GAS7: variants seen among roughly 807,000 people sequenced by gnomAD.
GAS7 encodes the protein growth arrest-specific protein 7.
A neutral mutation model predicts 71.1 loss-of-function variants in GAS7; 28 were observed. The observed-to-expected ratio is 0.39, with a 90% CI of 0.29 to 0.54. The LOEUF (loss-of-function observed/expected upper bound fraction) is 0.54, where lower values mean the gene tolerates loss of function less well. Ranked by LOEUF, GAS7 falls within the 20% of genes least tolerant of loss-of-function variation. The pLI is 0.62. For synonymous variants in GAS7, 258 were observed against 245.8 expected (o/e 1.05, Z -0.46); for missense variants, 436 against 627.8 (o/e 0.69, Z 3.27).
At position 9,926,980 on chromosome 17, in the gene GAS7, CCA is replaced by C; in HGVS notation, c.886-213_886-212del. On this transcript the variant is annotated intron_variant, in intron 9 of 13. Coordinates refer to ENST00000432992, the MANE Select transcript of GAS7 (RefSeq NM_201433.2). This position sits in a 1 kb window ranked among gnomAD's most constrained non-coding sequence, Gnocchi z 5.0. ...CAGGTCACCTTAGCTCAGGAGGCCC[CCA>C]CACACGTCTACAGGATAAGTGGTTA... The C allele has an allele frequency of 1.8e-6, 1 of 562,574 alleles. No homozygotes were observed. Among genetic ancestry groups the C allele is most frequent in the East Asian group, 2.9e-5 (1 of 34,678 alleles). The allele number at this position is 562,574 out of a possible 1,614,324, so 34.8% of individuals were successfully genotyped here.
At chr17:10,124,717 A>AG (rs2073931331) in intron 1 of GAS7, among the ~76,000 whole-genome samples, 1 of 152,182 alleles carries the variant, frequency 6.6e-6, no homozygotes, top group South Asian at 2.1e-4. Context: ...TCGGAGTTGG[A>AG]GACCAGCCTG....
intron 1 of GAS7, among the ~76,000 whole-genome samples, chr17:10,179,047 T>C (rs1267229388): frequency 6.6e-6 from 1 of 151,998 alleles, no homozygotes; most frequent in Non-Finnish European, 1.5e-5. Flanking sequence ...TGAAAACATC[T>C]GGCCAGGCAC....
At chr17:9,946,524 G>A (rs944792565) in intron 6 of GAS7, among the ~76,000 whole-genome samples, 8 of 152,218 alleles carry the variant, frequency 5.3e-5, no homozygotes, top group Non-Finnish European at 1.2e-4. Flanking sequence ...GCCCAAGGAG[G>A]TGAAGCACTT....
intron 2 of GAS7, among the ~76,000 whole-genome samples, chr17:10,002,966 G>A (rs182284805): frequency 1.4e-4 from 22 of 152,304 alleles, no homozygotes; most frequent in Admixed American, 5.9e-4. Flanking sequence ...TCTAGTTCTA[G>A]ATCCTTGAGG....
chr17:9,938,160 T>TA (rs2152087758), intron 8 of GAS7, among the ~76,000 whole-genome samples: 1 of 152,210 alleles, frequency 6.6e-6, no homozygotes, highest in African/African-American at 2.4e-5. Context: ...TAATTAAGGT[T>TA]AAATGAGGTC....
intron 1 of GAS7, among the ~76,000 whole-genome samples, chr17:10,181,157 C>G (rs570667999): frequency 1.4e-5 from 2 of 146,622 alleles, no homozygotes; most frequent in African/African-American, 5.0e-5. Flanking sequence ...GTCAGGAGAT[C>G]GAGACCATCC....
At chr17:9,961,614 G>A (rs184041226) in intron 4 of GAS7, among the ~76,000 whole-genome samples, 3 of 152,316 alleles carry the variant, frequency 2.0e-5, no homozygotes, top group East Asian at 1.9e-4. Context: ...AGGGGGCTAA[G>A]GGGAGAAGCA....
At chr17:10,046,781 A>G (rs1325613870) in intron 1 of GAS7, among the ~76,000 whole-genome samples, 2 of 104,564 alleles carry the variant, frequency 1.9e-5, no homozygotes, top group African/African-American at 1.0e-4. Flanking sequence ...AGAAAGAAAG[A>G]AAGAAAGGAA....
intron 1 of GAS7, among the ~76,000 whole-genome samples, chr17:10,097,864 C>G (rs1388376943): frequency 6.6e-6 from 1 of 151,832 alleles, no homozygotes; most frequent in Non-Finnish European, 1.5e-5. Flanking sequence ...GCCAACATAG[C>G]GAAACCCCGT....
At position 10,019,803 on chromosome 17, in the gene GAS7, C is replaced by T. The variant is rs1347870187; in HGVS notation, c.278G>A (p.Arg93Gln). 1.1e-5 allele frequency: 18 copies of T among 1,613,880 alleles called. No homozygotes were observed. Among genetic ancestry groups the T allele is most frequent in the African/African-American group, 8.0e-5 (6 of 74,900 alleles). Residue 93 changes from arginine to glutamine, a missense_variant, in exon 2 of 14, where the codon CGG becomes CAG. By Grantham distance (43) the Arg-to-Gln change is conservative. Coordinates refer to ENST00000432992, the MANE Select transcript of GAS7 (RefSeq NM_201433.2). Reference protein sequence around the residue: ...WQSYLSPQGRRYYVNTTTNET... With the variant: ...WQSYLSPQGRQYYVNTTTNET... The stretch of plus-strand genomic sequence containing the variant: ...ATTGGTGGTCGTGTTGACATAGTAC[C>T]GCCGGCCCTGAGGCGACAGGTAGCT...
intron 1 of GAS7, chr17:10,059,758 T>A (rs748727115): frequency 1.0e-6 from 1 of 985,062 alleles, no homozygotes; most frequent in Non-Finnish European, 1.2e-6. Flanking sequence ...CATCCCCACA[T>A]CCGCTGCTTC....
chr17:9,979,153 T>C (rs1323748220), intron 3 of GAS7, among the ~76,000 whole-genome samples: 1 of 152,232 alleles, frequency 6.6e-6, no homozygotes, highest in African/African-American at 2.4e-5. Flanking sequence ...CTGAGTTAAA[T>C]AGGTTTCTTC....
In GAS7 at chr17:9,919,548, C is replaced by T. The variant is rs1173988306; in HGVS notation, c.1218+78G>A. On this transcript the variant is annotated intron_variant, in intron 12 of 13. Coordinates refer to ENST00000432992, the MANE Select transcript of GAS7 (RefSeq NM_201433.2). The surrounding 1 kb of genome is among the most constrained non-coding windows in gnomAD (Gnocchi z 5.0). ...CAGGGTCACTCCACCCCATCATCCCCGCGCCCACCAACAACCACCAGGGGC... is the reference window on the plus strand; with the variant it reads ...CAGGGTCACTCCACCCCATCATCCCTGCGCCCACCAACAACCACCAGGGGC... 17 of 1,022,262 alleles carry T rather than the reference C, an allele frequency of 1.7e-5. No homozygotes were observed. The highest frequency in any genetic ancestry group is 7.6e-5 in the South Asian group (6 of 79,246). The allele number at this position is 1,022,262 out of a possible 1,614,324, so 63.3% of individuals were successfully genotyped here.
intron 1 of GAS7, among the ~76,000 whole-genome samples, chr17:10,130,350 G>A (rs1375593387): frequency 4.2e-5 from 6 of 143,232 alleles, no homozygotes; most frequent in African/African-American, 5.2e-5. Flanking sequence ...AAAAAAAAAC[G>A]TAGATAATTA....
At chr17:10,038,441 G>A (rs1042706485) in intron 1 of GAS7, among the ~76,000 whole-genome samples, 2 of 152,166 alleles carry the variant, frequency 1.3e-5, no homozygotes, top group Admixed American at 6.5e-5. Flanking sequence ...CCCTTCTGGT[G>A]GGAATGTAAA....
chr17:9,995,558 A>G (rs1004494737), intron 2 of GAS7, among the ~76,000 whole-genome samples: 2 of 147,966 alleles, frequency 1.4e-5, no homozygotes, highest in African/African-American at 5.0e-5. Context: ...AAAAAAAAAG[A>G]TACTCATTCT....
At chr17:10,155,018 CTT>C (rs34790124) in intron 1 of GAS7, among the ~76,000 whole-genome samples, 4 of 142,954 alleles carry the variant, frequency 2.8e-5, no homozygotes, top group Admixed American at 7.0e-5. Flanking sequence ...ACCAATAACT[CTT>C]TTTTTTTTTT....
At chr17:10,074,844 C>T (rs1476579749) in intron 1 of GAS7, among the ~76,000 whole-genome samples, 2 of 151,924 alleles carry the variant, frequency 1.3e-5, no homozygotes, top group African/African-American at 2.4e-5. Context: ...CCTAACCTCA[C>T]TTAGAGAATA....
intron 1 of GAS7, among the ~76,000 whole-genome samples, chr17:10,163,164 G>A (rs2074268873): frequency 1.3e-5 from 2 of 152,282 alleles, no homozygotes; most frequent in Middle Eastern, 3.4e-3. Context: ...AGGCTGGACT[G>A]CAGTCGCGTG....
Sources: allele counts gnomAD v4.1 joint callset (sites outside exome capture counted in the v4.1 genomes callset), GRCh38; gene constraint gnomAD v4.1.1; non-coding constraint Gnocchi (gnomAD v3.1); transcripts MANE v1.5; gene names NCBI Gene and HGNC (gene_info 2026-07-23, HGNC 2026-07-21).